The following SLC25A20 variants were observed in gnomAD, a reference collection of about 807,000 sequenced individuals.
SLC25A20 encodes solute carrier family 25 member 20.
SLC25A20 carries 29 observed loss-of-function variants against 39.7 expected under a neutral mutation model. The observed-to-expected ratio is 0.73, with a 90% CI of 0.54 to 1.00. The LOEUF is 1.00. SLC25A20 is among the 50% of genes least tolerant of loss of function. SLC25A20 has a pLI of 0.00. For synonymous variants in SLC25A20, 103 were observed against 142.2 expected, an observed-to-expected ratio of 0.72 and a Z score of 1.96; for missense variants, 333 against 379.9, an observed-to-expected ratio of 0.88 and a Z score of 1.03.
chr3:48,894,305 A>C (rs1190634599), intron 1 of SLC25A20, among the ~76,000 whole-genome samples: 1 of 136,618 alleles, frequency 7.3e-6, no homozygotes, highest in African/African-American at 2.8e-5. Context: ...TTGCTCTGTC[A>C]CCCAGGCTGG....
chr3:48,859,468 A>T, intron 6 of SLC25A20, 87 bp downstream of exon 6: 2 of 1,132,772 alleles, frequency 1.8e-6, no homozygotes, highest in East Asian at 2.3e-5. Flanking sequence ...CAGGAACAAC[A>T]ACTACTTCTG....
chr3:48,881,041 C>T (rs1447868851), intron 3 of SLC25A20, among the ~76,000 whole-genome samples: 1 of 152,170 alleles, frequency 6.6e-6, no homozygotes, highest in Non-Finnish European at 1.5e-5. Context: ...ACAACTGAGC[C>T]TTCAGGTCAG....
At chr3:48,886,477 C>T (rs1575990497) in intron 2 of SLC25A20, among the ~76,000 whole-genome samples, 1 of 151,638 alleles carries the variant, frequency 6.6e-6, no homozygotes, top group South Asian at 2.1e-4. Context: ...GAGCCGAGAT[C>T]GCGCCATTGC....
intron 1 of SLC25A20, chr3:48,895,912 G>A (rs530347930): frequency 4.3e-5 from 17 of 391,146 alleles, no homozygotes; most frequent in East Asian, 1.7e-4. Flanking sequence ...GGCCAAGGCC[G>A]GAGGATCACT....
At chr3:48,876,872 GAT>G (rs2083761831) in intron 4 of SLC25A20, among the ~76,000 whole-genome samples, 1 of 151,774 alleles carries the variant, frequency 6.6e-6, no homozygotes, top group Non-Finnish European at 1.5e-5. Context: ...ATGGTGGGTG[GAT>G]CACCTCAGGT....
intron 2 of SLC25A20, among the ~76,000 whole-genome samples, chr3:48,889,522 C>T (rs1043445694): frequency 1.3e-5 from 2 of 152,084 alleles, no homozygotes; most frequent in African/African-American, 2.4e-5. Context: ...TATTCATATG[C>T]GCTTCTGACA....
In SLC25A20 at chr3:48,858,586, T is replaced by A. The variant is rs867980329; in HGVS notation, c.764A>T (p.Glu255Val). Reference protein sequence around the residue: ...YPNGFRDVLRELIRDEGVTSL... With the variant: ...YPNGFRDVLRVLIRDEGVTSL... ...TGTGACTCCTTCATCCCGGATCAGC[T>A]CCCTCAGCACATCTCTGAAACCATT... is the stretch of plus-strand genomic sequence containing the variant. Residue 255 changes from glutamate (E) to valine (V), a missense_variant, in exon 8 of 9, where the codon GAG becomes GTG. Physicochemically the swap from Glu to Val is moderately radical, Grantham distance 121. Transcript: ENST00000319017. 15 of 1,614,048 alleles carry A rather than the reference T, an allele frequency of 9.3e-6. No homozygotes were observed. The Middle Eastern group carries it at 4.9e-4, about 53-fold the overall frequency.
chr3:48,889,611 C>T (rs962992085), intron 2 of SLC25A20, among the ~76,000 whole-genome samples: 3 of 147,990 alleles, frequency 2.0e-5, no homozygotes, highest in African/African-American at 7.5e-5. Flanking sequence ...GACAGAGTTT[C>T]ACTCTTGTTG....
Position 48,862,660 on chromosome 3 carries a change from C to A in SLC25A20, c.418-1G>T, listed in dbSNP as rs1437269194. ...TGCTTTCTCCTGAAGAAGCCTGAAT[C>A]TGGGAGGGAGGAGAGGATCATTAAG... On this transcript the variant is annotated splice_acceptor_variant, in intron 4 of 8. Transcript: ENST00000319017. LOFTEE classifies it high-confidence loss of function. The A allele has an allele frequency of 6.3e-7, 1 of 1,598,820 alleles. No homozygotes were observed. The highest frequency in any genetic ancestry group is 8.6e-7 in the Non-Finnish European group (1 of 1,166,260).
At chr3:48,867,067 T>A (rs1323285150) in intron 4 of SLC25A20, among the ~76,000 whole-genome samples, 1 of 152,044 alleles carries the variant, frequency 6.6e-6, no homozygotes, top group African/African-American at 2.4e-5. Context: ...AGTGCTGGGA[T>A]TACAGGTGTG....
At chr3:48,866,102 C>A (rs1322133613) in intron 4 of SLC25A20, among the ~76,000 whole-genome samples, 1 of 151,344 alleles carries the variant, frequency 6.6e-6, no homozygotes, top group East Asian at 1.9e-4. Context: ...CCACTGCACT[C>A]CAGCCTGGCG....
intron 4 of SLC25A20, among the ~76,000 whole-genome samples, 199 bp from the exon 5 acceptor site, chr3:48,862,858 T>C (rs945657123): frequency 1.3e-5 from 2 of 152,098 alleles, no homozygotes; most frequent in Non-Finnish European, 2.9e-5. Context: ...CAGAAAACAT[T>C]CACATTGACT....
intron 3 of SLC25A20, among the ~76,000 whole-genome samples, chr3:48,882,950 G>A (rs1346721887): frequency 6.6e-6 from 1 of 151,722 alleles, no homozygotes; most frequent in Non-Finnish European, 1.5e-5. Context: ...CACTTTGGGG[G>A]GCCAAAGGGG....
chr3:48,869,773 C>T (rs901418499), intron 4 of SLC25A20, among the ~76,000 whole-genome samples: 8 of 152,016 alleles, frequency 5.3e-5, no homozygotes, highest in African/African-American at 1.7e-4. Context: ...TATCAGACCA[C>T]TACACTCCAG....
intron 4 of SLC25A20, among the ~76,000 whole-genome samples, chr3:48,865,787 G>A (rs1325399764): frequency 1.1e-4 from 16 of 144,100 alleles, no homozygotes; most frequent in South Asian, 2.4e-4. Context: ...AAAAAAAAAA[G>A]AAAAGAAAAG....
At chr3:48,882,036 G>A (rs745493988) in intron 3 of SLC25A20, among the ~76,000 whole-genome samples, 1 of 152,154 alleles carries the variant, frequency 6.6e-6, no homozygotes, top group African/African-American at 2.4e-5. Flanking sequence ...TGGCGCCCTG[G>A]GCTTCCTCCC....
At chr3:48,880,247 G>A (rs1053542166) in intron 3 of SLC25A20, among the ~76,000 whole-genome samples, 10 of 151,956 alleles carry the variant, frequency 6.6e-5, no homozygotes, top group African/African-American at 2.4e-4. Context: ...TGCCACCTCT[G>A]GCATCTCCCT....
chr3:48,877,566 T>G (rs1258073763), intron 4 of SLC25A20, among the ~76,000 whole-genome samples: 1 of 150,056 alleles, frequency 6.7e-6, no homozygotes, highest in East Asian at 2.0e-4. Context: ...CCGTCTCTAC[T>G]AAAATACAAA....
At chr3:48,891,263 C>T (rs928463646) in intron 2 of SLC25A20, among the ~76,000 whole-genome samples, 1 of 152,052 alleles carries the variant, frequency 6.6e-6, no homozygotes, top group African/African-American at 2.4e-5. Context: ...TTAGTAGAGA[C>T]GGGGTTTCAT....
Sources: gnomAD v4.1 joint callset for allele counts (sites outside exome capture counted in the v4.1 genomes callset) on GRCh38, gnomAD v4.1.1 for gene constraint, MANE v1.5 for transcripts, NCBI Gene and HGNC (gene_info 2026-07-23, HGNC 2026-07-21) for gene names.